The following TNS3 variants were observed in gnomAD, a reference collection of about 807,000 sequenced individuals.
The protein encoded by TNS3 is tensin 3, also known as tensin-3.
A neutral mutation model predicts 140.9 loss-of-function variants in TNS3; 45 were observed. That is an observed-to-expected ratio of 0.32 (90% CI 0.25 to 0.41). The LOEUF (loss-of-function observed/expected upper bound fraction) is 0.41, where lower values mean the gene tolerates loss of function less well. Ranked by LOEUF, TNS3 falls within the 10% of genes least tolerant of loss-of-function variation. TNS3 has a pLI of 1.00. For missense variants in TNS3, 1,716 were observed against 1,906.7 expected, an observed-to-expected ratio of 0.90 and a Z score of 1.86; for synonymous variants, 815 against 788.4, an observed-to-expected ratio of 1.03 and a Z score of -0.56.
chr7:47,419,073 T>C (rs1249834004), intron 10 of TNS3, among the ~76,000 whole-genome samples: 1 of 152,256 alleles, frequency 6.6e-6, no homozygotes. Context: ...CTGCTGAGCA[T>C]TCCCTTCCCT....
chr7:47,429,266 A>G (rs1794809794), intron 8 of TNS3, among the ~76,000 whole-genome samples: 1 of 152,210 alleles, frequency 6.6e-6, no homozygotes, highest in Admixed American at 6.5e-5. Context: ...GGCCACTCCC[A>G]TCTGTTTACC....
intron 1 of TNS3, among the ~76,000 whole-genome samples, chr7:47,533,771 A>T (rs1004959245): frequency 3.9e-5 from 6 of 151,930 alleles, no homozygotes; most frequent in African/African-American, 1.5e-4. Context: ...ATGAGATCTG[A>T]TGGTTTTATA....
intron 1 of TNS3, among the ~76,000 whole-genome samples, chr7:47,564,635 C>CAAAAAAAAA (rs749603752): frequency 1.5e-3 from 44 of 30,172 alleles, no homozygotes; most frequent in East Asian, 4.8e-3. Context: ...GACTCCGTCT[C>CAAAAAAAAA]AAAAAAAAAA....
intron 23 of TNS3, among the ~76,000 whole-genome samples, chr7:47,297,466 C>T (rs1459746536): frequency 1.3e-5 from 2 of 152,166 alleles, no homozygotes; most frequent in East Asian, 3.8e-4. Context: ...AGGACAGGAA[C>T]ATCCCTCTCT....
Position 47,334,453 on chromosome 7 carries a change from G to A in TNS3, c.2650+10302C>T, listed in dbSNP as rs190342732. 2.7e-3 allele frequency among the ~76,000 whole-genome samples: 405 copies of A among 152,258 alleles called. 2 individuals carry two copies. The highest frequency in any genetic ancestry group is 4.0e-3 in the Admixed American group (61 of 15,302). ...GCTGTTATAGGATAAGGATGCTCTGGAACTACCTAGGGGCGATGGTCTCAT... is the reference window on the plus strand; with the variant it reads ...GCTGTTATAGGATAAGGATGCTCTGAAACTACCTAGGGGCGATGGTCTCAT... On this transcript the variant is annotated intron_variant, in intron 20 of 30. Transcript: ENST00000311160.
intron 20 of TNS3, among the ~76,000 whole-genome samples, chr7:47,335,972 T>A (rs1788608675): frequency 6.6e-6 from 1 of 152,134 alleles, no homozygotes; most frequent in South Asian, 2.1e-4. Context: ...CCGTGTCCTT[T>A]TAGGCCTCCC....
Position 47,303,085 on chromosome 7 carries a change from C to T in TNS3, c.3322G>A (p.Asp1108Asn), listed in dbSNP as rs745410545. The change falls in exon 22 of 31, where the codon GAT (aspartate) becomes AAT (asparagine). Residue 1108 changes from aspartate (D) to asparagine (N), a missense_variant. Coordinates refer to ENST00000311160, the MANE Select transcript of TNS3 (RefSeq NM_022748.12). ...GGAGAGACTGAGCCCAAAGAACGATCCCCCTCCGAGGCCCGCTTCTTCTCA... is the reference window on the plus strand; with the variant it reads ...GGAGAGACTGAGCCCAAAGAACGATTCCCCTCCGAGGCCCGCTTCTTCTCA... ...LPEKKRASEG[D>N]RSLGSVSPSS... 5.6e-6 allele frequency: 9 copies of T among 1,614,166 alleles called. No individual in the cohort carries two copies. In the East Asian group the frequency reaches 1.8e-4, roughly 32 times the overall value.
At chr7:47,424,738 C>T (rs1211989809) in intron 9 of TNS3, among the ~76,000 whole-genome samples, 1 of 152,174 alleles carries the variant, frequency 6.6e-6, no homozygotes, top group Non-Finnish European at 1.5e-5. Flanking sequence ...TATGTCACTC[C>T]CAGGACTGGG....
At chr7:47,565,572 G>A (rs1199541470) in intron 1 of TNS3, among the ~76,000 whole-genome samples, 2 of 151,826 alleles carry the variant, frequency 1.3e-5, no homozygotes, top group African/African-American at 4.8e-5. Context: ...TCACCATGCT[G>A]GCCAGGCTTG....
Position 47,529,751 on chromosome 7 carries a change from C to T in TNS3, c.-264-604G>A, listed in dbSNP as rs182886985. Among the ~76,000 whole-genome samples the T allele has an allele frequency of 1.2e-4, 19 of 152,332 alleles. No homozygotes were observed. The East Asian group carries it at 3.5e-3, about 28-fold the overall frequency. On this transcript the variant is annotated intron_variant, in intron 1 of 30. Transcript: ENST00000311160. Reference sequence around the variant, plus strand: ...CTTGGAAAAACTAACCACTCAGCTACCTATTCATGTTTGTAGAGCCAAGGC... The same window carrying T: ...CTTGGAAAAACTAACCACTCAGCTATCTATTCATGTTTGTAGAGCCAAGGC...
intron 1 of TNS3, among the ~76,000 whole-genome samples, chr7:47,541,264 A>G (rs779829314): frequency 8.5e-5 from 13 of 152,200 alleles, no homozygotes; most frequent in Non-Finnish European, 5.9e-5. Context: ...GGAGACAGGA[A>G]TCAGATATTG....
intron 1 of TNS3, among the ~76,000 whole-genome samples, chr7:47,568,898 G>T (rs1011615892): frequency 2.0e-5 from 3 of 152,222 alleles, no homozygotes; most frequent in Non-Finnish European, 4.4e-5. Context: ...CTGATAGAGC[G>T]ATAACTTGTA....
At chr7:47,371,062 G>A (rs1240377313) in intron 16 of TNS3, among the ~76,000 whole-genome samples, 1 of 152,214 alleles carries the variant, frequency 6.6e-6, no homozygotes, top group Non-Finnish European at 1.5e-5. Context: ...AGAGAAGTGG[G>A]GAGTGGGGAG....
Position 47,343,468 on chromosome 7 carries a change from C to T in TNS3, c.2650+1287G>A, listed in dbSNP as rs143753515. On this transcript the variant is annotated intron_variant, in intron 20 of 30. Transcript: ENST00000311160. ...GTCATCTACCTATTTCAAACAAACC[C>T]GGTTTTGGTGTTGCAGGAGAAGACA... Among the ~76,000 whole-genome samples, 410 of 152,278 alleles carry T rather than the reference C, an allele frequency of 2.7e-3. 2 individuals carry two copies. The highest frequency in any genetic ancestry group is 0.014 in the East Asian group (72 of 5,182).
chr7:47,544,095 G>A (rs1218008608), intron 1 of TNS3, among the ~76,000 whole-genome samples: 1 of 152,144 alleles, frequency 6.6e-6, no homozygotes, highest in Non-Finnish European at 1.5e-5. Flanking sequence ...CTGTGCACAG[G>A]AGAGCAAAAG....
At chr7:47,508,956 A>G (rs1798513157) in intron 2 of TNS3, among the ~76,000 whole-genome samples, 1 of 152,190 alleles carries the variant, frequency 6.6e-6, no homozygotes, top group South Asian at 2.1e-4. Context: ...CCAAGCCTTC[A>G]GATGGTGCAG....
intron 3 of TNS3, among the ~76,000 whole-genome samples, chr7:47,497,504 C>T (rs1161085528): frequency 6.6e-6 from 1 of 152,098 alleles, no homozygotes; most frequent in African/African-American, 2.4e-5. Context: ...GATCCAGACC[C>T]AGGTCTGTTA....
At chr7:47,317,004 A>G (rs916438598) in intron 20 of TNS3, among the ~76,000 whole-genome samples, 1 of 152,136 alleles carries the variant, frequency 6.6e-6, no homozygotes, top group Non-Finnish European at 1.5e-5. Flanking sequence ...ATGATGAAAA[A>G]CCCACAAATG....
intron 14 of TNS3, 58 bp downstream of exon 14, chr7:47,400,727 C>A (rs1309959630): frequency 6.3e-7 from 1 of 1,599,046 alleles, no homozygotes; most frequent in East Asian, 2.2e-5. Flanking sequence ...AAAGAATCAA[C>A]CAAGGAGGTT....
Sources: allele counts gnomAD v4.1 joint callset (sites outside exome capture counted in the v4.1 genomes callset), GRCh38; gene constraint gnomAD v4.1.1; transcripts MANE v1.5; gene names NCBI Gene and HGNC (gene_info 2026-07-23, HGNC 2026-07-21).